Variants in MAB21L4 observed in about 807,000 individuals in gnomAD.
The protein encoded by MAB21L4 is mab-21 like 4, also known as protein mab-21-like 4.
In MAB21L4, 25 loss-of-function variants were observed where a neutral mutation model predicts 32.4. That is an observed-to-expected ratio of 0.77 (90% CI 0.56 to 1.08). MAB21L4 has a LOEUF of 1.08. MAB21L4 is among the 50% of genes least tolerant of loss of function. The probability of loss-of-function intolerance (pLI) is 0.00; values close to 1 mark genes in which losing one functional copy is unlikely to be tolerated. For synonymous variants in MAB21L4, 280 were observed against 276.8 expected (o/e 1.01, Z -0.11); for missense variants, 638 against 611.0 (o/e 1.04, Z -0.47).
chr2:240,895,304 A>C (rs1003270794), intron 1 of MAB21L4, among the ~76,000 whole-genome samples, 180 bp downstream of exon 1: 1 of 152,224 alleles, frequency 6.6e-6, no homozygotes, highest in Non-Finnish European at 1.5e-5. Context: ...TCACACTTGC[A>C]CAGTGTCACA....
rs10171067 is a variant in MAB21L4, at chr2:240,891,552, G to A, written c.726C>T (p.Ser242=). 0.49 allele frequency: 793,944 copies of A among 1,608,060 alleles called. 200,050 individuals carry two copies. Among genetic ancestry groups the A allele is most frequent in the African/African-American group, 0.73 (54,600 of 74,840 alleles). The change falls in exon 2 of 5, where the codon AGC becomes AGT. Residue 242 remains serine (S), a synonymous_variant. Transcript: ENST00000388934. ...LSQGVDLVPA[S]AQLWRTSTDY... is the part of the protein sequence containing the mutation. ...GGTGCGCCTACCTCCAGAGCTGGGC[G>A]CTGGCCGGCACCAGGTCCACCCCTT...
chr2:240,890,243 C>T, intron 2 of MAB21L4, 85 bp from the exon 3 acceptor site: 5 of 1,498,640 alleles, frequency 3.3e-6, no homozygotes, highest in South Asian at 1.3e-5. Context: ...GAGGTTCGGG[C>T]CCTGGCCAGG....
Position 240,888,437 on chromosome 2 carries a change from G to A in MAB21L4, c.1106C>T (p.Pro369Leu), listed in dbSNP as rs1330945751. The change falls in exon 4 of 5, where the codon CCC (proline) becomes CTC (leucine). Residue 369 changes from proline (P) to leucine (L), a missense_variant. By Grantham distance (98) the Pro-to-Leu change is moderately conservative (BLOSUM62 -3). Transcript: ENST00000388934. ...YQRVEGFASQ[P>L]EAALRIHATH... ...GGCGTGGATGCGCAGGGCCGCCTCG[G>A]GCTGGCTGGCGAAGCCCTCCACGCG... The A allele has an allele frequency of 6.4e-7, 1 of 1,566,374 alleles. No homozygotes were observed. Among genetic ancestry groups the A allele is most frequent in the Non-Finnish European group, 8.6e-7 (1 of 1,158,886 alleles).
chr2:240,894,860 G>C (rs2059176072), intron 1 of MAB21L4, among the ~76,000 whole-genome samples: 1 of 152,146 alleles, frequency 6.6e-6, no homozygotes, highest in African/African-American at 2.4e-5. Flanking sequence ...CCACGCAGAA[G>C]CCCAGCCTCA....
chr2:240,892,539 T>C (rs1290125540), intron 1 of MAB21L4, among the ~76,000 whole-genome samples: 2 of 152,016 alleles, frequency 1.3e-5, no homozygotes, highest in Non-Finnish European at 2.9e-5. Context: ...CGGCGGCAGC[T>C]GCCAGTAGTG....
At chr2:240,889,696 G>A (rs1367236819) in intron 3 of MAB21L4, among the ~76,000 whole-genome samples, 1 of 152,178 alleles carries the variant, frequency 6.6e-6, no homozygotes, top group Non-Finnish European at 1.5e-5. Context: ...GGAACACTGG[G>A]CTCTGTGAGG....
chr2:240,895,815 G>A lies in MAB21L4; in HGVS notation c.183C>T (p.Tyr61=), dbSNP rs761434448. The A allele has an allele frequency of 4.4e-6, 7 of 1,598,368 alleles. No homozygotes were observed. Among genetic ancestry groups the A allele is most frequent in the African/African-American group, 1.3e-5 (1 of 74,626 alleles). ...ACTGGAAGGCCTCCAGGCCACGGGAGTAGTCCACGATGAAGCGGGGGTCCA... is the reference window on the plus strand; with the variant it reads ...ACTGGAAGGCCTCCAGGCCACGGGAATAGTCCACGATGAAGCGGGGGTCCA... ...HALDPRFIVD[Y]SRGLEAFQFA... is the part of the protein sequence containing the mutation. Residue 61 remains tyrosine (Y), a synonymous_variant, in exon 1 of 5, where the codon TAC becomes TAT. Transcript: ENST00000388934.
intron 2 of MAB21L4, 63 bp downstream of exon 2, chr2:240,891,475 T>TG: frequency 2.1e-6 from 3 of 1,432,848 alleles, no homozygotes; most frequent in Non-Finnish European, 2.8e-6. Context: ...CAGGGGAGCA[T>TG]GGGGGCAGTG....
chr2:240,895,334 G>T, intron 1 of MAB21L4, 150 bp downstream of exon 1: 1 of 713,610 alleles, frequency 1.4e-6, no homozygotes, highest in Non-Finnish European at 2.3e-6. Context: ...ACATGCCTGT[G>T]CGTGCAGTCA....
intron 1 of MAB21L4, among the ~76,000 whole-genome samples, chr2:240,893,865 G>T (rs1039534081): frequency 6.6e-6 from 1 of 152,090 alleles, no homozygotes; most frequent in African/African-American, 2.4e-5. Flanking sequence ...AAGTGAGGTC[G>T]GGAAGAAGAT....
rs761519509 is a variant in MAB21L4 at position 240,888,411 on chromosome 2, T to A, written c.1132A>T (p.Thr378Ser). Residue 378 changes from threonine to serine, a missense_variant, in exon 4 of 5, where the codon ACC becomes TCC. Thr to Ser is a moderately conservative substitution (Grantham distance 58). Transcript: ENST00000388934. ...GGCGGGGGGCTGCGGCCCAGGTGGG[T>A]GGCGTGGATGCGCAGGGCCGCCTCG... ...QPEAALRIHATHLGRSPPPRI... is the reference protein window; with the variant it reads ...QPEAALRIHASHLGRSPPPRI... 2 of 1,554,512 alleles carry A rather than the reference T, an allele frequency of 1.3e-6. No homozygotes were observed. Among genetic ancestry groups the A allele is most frequent in the Non-Finnish European group, 1.7e-6 (2 of 1,153,626 alleles).
intron 4 of MAB21L4, among the ~76,000 whole-genome samples, chr2:240,887,932 A>T (rs1250741950): frequency 6.6e-6 from 1 of 152,122 alleles, no homozygotes; most frequent in Admixed American, 6.5e-5. Context: ...GGGCCCAGGT[A>T]AGGCCATATC....
intron 4 of MAB21L4, 45 bp downstream of exon 4, chr2:240,888,247 C>CCCATG (rs1197520541): frequency 6.9e-7 from 1 of 1,445,200 alleles, no homozygotes; most frequent in Admixed American, 2.3e-5. Flanking sequence ...ATTCCACCCT[C>CCCATG]CCATGCCCCC....
intron 3 of MAB21L4, among the ~76,000 whole-genome samples, chr2:240,889,106 G>T (rs938028065): frequency 6.6e-6 from 1 of 152,146 alleles, no homozygotes; most frequent in East Asian, 1.9e-4. Flanking sequence ...AGCTGCCTGC[G>T]GCCGTTCCAG....
At chr2:240,887,587 G>T (rs1240850155) in intron 4 of MAB21L4, among the ~76,000 whole-genome samples, 1 of 152,266 alleles carries the variant, frequency 6.6e-6, no homozygotes, top group African/African-American at 2.4e-5. Context: ...TCAACAGGCG[G>T]AAGTTTGCTA....
chr2:240,888,519 G>A lies in MAB21L4; in HGVS notation c.1024C>T (p.His342Tyr), dbSNP rs771895811. Residue 342 changes from histidine to tyrosine, a missense_variant, in exon 4 of 5, where the codon CAC (histidine) becomes TAC (tyrosine). Transcript: ENST00000388934. ...CCCTGCAGCAGGTTGCGCTGCGGGTGGAGGAAGTGGGGCAGCTTCCGCGTG... is the reference window on the plus strand; with the variant it reads ...CCCTGCAGCAGGTTGCGCTGCGGGTAGAGGAAGTGGGGCAGCTTCCGCGTG... Reference protein sequence around the residue: ...LATRKLPHFLHPQRNLLQGSG... With the variant: ...LATRKLPHFLYPQRNLLQGSG... The A allele has an allele frequency of 1.2e-6, 2 of 1,607,934 alleles. No individual in the cohort carries two copies. Among genetic ancestry groups the A allele is most frequent in the East Asian group, 2.2e-5 (1 of 44,826 alleles).
chr2:240,889,980 A>T, intron 3 of MAB21L4, 25 bp downstream of exon 3: 1 of 1,587,472 alleles, frequency 6.3e-7, no homozygotes, highest in Non-Finnish European at 8.6e-7. Flanking sequence ...GTGACAGACA[A>T]CCCGCCGAGT....
chr2:240,891,661 C>A lies in MAB21L4; in HGVS notation c.617G>T (p.Arg206Ile). The change falls in exon 2 of 5, where the codon AGA becomes ATA. Residue 206 changes from arginine (R) to isoleucine (I), a missense_variant. Coordinates refer to ENST00000388934, the MANE Select transcript of MAB21L4 (RefSeq NM_001085437.3). ...TISFHVVPVV[R>I]RKLGAPALEG... is the part of the protein sequence containing the mutation. ...CAGGGCAGGCGCCCCAAGCTTCCTT[C>A]TCACCACGGGCACCACGTGGAAGCT... The A allele has an allele frequency of 6.2e-7, 1 of 1,609,306 alleles. No individual in the cohort carries two copies. The highest frequency in any genetic ancestry group is 8.5e-7 in the Non-Finnish European group (1 of 1,179,976).
At chr2:240,887,193 A>C in intron 4 of MAB21L4, 31 bp from the exon 5 acceptor site, 2 of 1,567,756 alleles carry the variant, frequency 1.3e-6, no homozygotes, top group Non-Finnish European at 1.8e-6. Context: ...GAGAAGGGTT[A>C]CAGGGACCCC....
Sources: allele counts gnomAD v4.1 joint callset (sites outside exome capture counted in the v4.1 genomes callset), GRCh38; gene constraint gnomAD v4.1.1; transcripts MANE v1.5; gene names NCBI Gene and HGNC (gene_info 2026-07-23, HGNC 2026-07-21).